The following KIAA1217 variants were observed in gnomAD, a reference collection of about 807,000 sequenced individuals.
KIAA1217 encodes the protein sickle tail protein homolog.
Under a neutral mutation model 163.9 loss-of-function variants are expected in KIAA1217, and 88 were observed. The observed-to-expected ratio is 0.54, with a 90% CI of 0.45 to 0.64. The LOEUF (loss-of-function observed/expected upper bound fraction) is 0.64, where lower values mean the gene tolerates loss of function less well. Ranked by LOEUF, KIAA1217 falls within the 30% of genes least tolerant of loss-of-function variation. The pLI is 0.00. For synonymous variants in KIAA1217, 903 were observed against 923.1 expected, an observed-to-expected ratio of 0.98 and a Z score of 0.39; for missense variants, 2,372 against 2,475.0, an observed-to-expected ratio of 0.96 and a Z score of 0.88.
At chr10:24,178,501 A>T (rs2066013800) in intron 2 of KIAA1217, among the ~76,000 whole-genome samples, 1 of 152,166 alleles carries the variant, frequency 6.6e-6, no homozygotes, top group Non-Finnish European at 1.5e-5. Context: ...TTCCTTTGTA[A>T]CTTCCTGCAT....
At chr10:24,013,028 G>C (rs766705780) in intron 2 of KIAA1217, among the ~76,000 whole-genome samples, 2 of 152,148 alleles carry the variant, frequency 1.3e-5, no homozygotes, top group Non-Finnish European at 2.9e-5. Context: ...TACTTTTGCA[G>C]ATAAGCACAG....
intron 1 of KIAA1217, among the ~76,000 whole-genome samples, chr10:23,882,955 A>G (rs1231169038): frequency 6.6e-6 from 1 of 151,944 alleles, no homozygotes; most frequent in African/African-American, 2.4e-5. Flanking sequence ...TTCTGGTGGG[A>G]GAGTTTACAT....
intron 3 of KIAA1217, among the ~76,000 whole-genome samples, chr10:24,417,362 A>G (rs1190525671): frequency 6.6e-6 from 1 of 152,128 alleles, no homozygotes; most frequent in Non-Finnish European, 1.5e-5. Context: ...AAGGCGTGAA[A>G]TTTGAGTGTT....
At position 24,088,107 on chromosome 10, in the gene KIAA1217, G is replaced by C. The variant is rs1212540662; in HGVS notation, c.-171+80733G>C. ...TATATTGCATACAGTAAACTCTAAG[G>C]GTTATGTAGATAATGAGTTCTTTTT... On this transcript the variant is annotated intron_variant, in intron 2 of 18. Transcript: ENST00000376462. Among the ~76,000 whole-genome samples the C allele has an allele frequency of 2.4e-5, 3 of 122,734 alleles. 1 individual carries two copies. In the East Asian group the frequency reaches 5.9e-4, roughly 24 times the overall value. 80.5% of individuals were successfully genotyped at this position (122,734 alleles called of 152,430 possible). A position where few individuals can be genotyped will look rare whatever the true frequency, so the allele number is the denominator to read the frequency against.
chr10:24,480,765 C>G (rs1331643626), intron 6 of KIAA1217, among the ~76,000 whole-genome samples: 1 of 152,150 alleles, frequency 6.6e-6, no homozygotes, highest in Non-Finnish European at 1.5e-5. Flanking sequence ...AATATAATAT[C>G]AGAAAACACG....
In KIAA1217 at chr10:24,359,738, G is replaced by A. The variant is rs183114256; in HGVS notation, c.355-21131G>A. Among the ~76,000 whole-genome samples, 3 of 152,170 alleles carry A rather than the reference G, an allele frequency of 2.0e-5. No homozygotes were observed. In the East Asian group the frequency reaches 5.8e-4, roughly 29 times the overall value. ...GAAATTCTTAGAATTAGAAGCTGTT[G>A]GGATATCACCCTGAACTCTTTTTTG... On this transcript the variant is annotated intron_variant, in intron 2 of 20. Transcript: ENST00000376454.
At chr10:23,790,543 G>GTA (rs1491339585) in intron 1 of KIAA1217, among the ~76,000 whole-genome samples, 1 of 99,608 alleles carries the variant, frequency 1.0e-5, no homozygotes, top group African/African-American at 6.4e-5. Flanking sequence ...ATATACATGT[G>GTA]CATATATACA....
At chr10:24,409,825 A>G (rs181145349) in intron 3 of KIAA1217, among the ~76,000 whole-genome samples, 6 of 152,014 alleles carry the variant, frequency 3.9e-5, no homozygotes, top group African/African-American at 9.6e-5. Context: ...GCTCCCATTT[A>G]TGAGTGAGAG....
intron 2 of KIAA1217, among the ~76,000 whole-genome samples, chr10:24,118,539 A>T (rs975306125): frequency 2.6e-5 from 4 of 152,182 alleles, no homozygotes; most frequent in African/African-American, 9.7e-5. Context: ...TTCTCTTCAG[A>T]CATCCTCACG....
chr10:23,778,892 A>C (rs1247380583), intron 1 of KIAA1217, among the ~76,000 whole-genome samples: 1 of 152,254 alleles, frequency 6.6e-6, no homozygotes, highest in East Asian at 1.9e-4. Context: ...AGTCTCCCCT[A>C]TATGTGAGGC....
chr10:24,115,750 A>T (rs7075306), intron 2 of KIAA1217, among the ~76,000 whole-genome samples: 10,963 of 152,230 alleles, frequency 0.072, 1,176 homozygotes, highest in African/African-American at 0.23. Flanking sequence ...GCATGGCGCC[A>T]CCAGGTAGGA....
intron 2 of KIAA1217, among the ~76,000 whole-genome samples, chr10:24,053,641 G>A (rs1161431411): frequency 1.3e-5 from 2 of 152,044 alleles, no homozygotes; most frequent in African/African-American, 2.4e-5. Flanking sequence ...AAGAAAGAAA[G>A]AAAGAAAGAA....
rs182781772 is a variant in KIAA1217 at position 24,414,835 on chromosome 10, C to T, written c.554-18160C>T. Among the ~76,000 whole-genome samples the T allele has an allele frequency of 1.4e-4, 21 of 152,238 alleles. 1 individual carries two copies. Among genetic ancestry groups the T allele is most frequent in the Admixed American group, 3.3e-4 (5 of 15,284 alleles). ...AACAGAAGTGACTCTTAAAAGGCAG[C>T]GCCAGAACTTCAAAAGGAAATGTCT... On this transcript the variant is annotated intron_variant, in intron 3 of 20. Transcript: ENST00000376454.
chr10:24,032,542 A>G (rs1214935973), intron 2 of KIAA1217, among the ~76,000 whole-genome samples: 1 of 152,062 alleles, frequency 6.6e-6, no homozygotes, highest in Non-Finnish European at 1.5e-5. Flanking sequence ...TGGCCTCTTC[A>G]TGAGTTTTGT....
chr10:23,759,043 C>T (rs1429867306), intron 1 of KIAA1217, among the ~76,000 whole-genome samples: 2 of 152,132 alleles, frequency 1.3e-5, no homozygotes, highest in Non-Finnish European at 2.9e-5. Context: ...GGTTTTTCAA[C>T]CCATGAACAT....
chr10:24,477,917 A>G (rs560583639), intron 6 of KIAA1217, among the ~76,000 whole-genome samples: 10 of 152,344 alleles, frequency 6.6e-5, no homozygotes, highest in Admixed American at 5.2e-4. Context: ...AGAATTTTCA[A>G]CCCCTTAAAG....
intron 9 of KIAA1217, among the ~76,000 whole-genome samples, chr10:24,507,689 A>G (rs2068551402): frequency 6.6e-6 from 1 of 152,214 alleles, no homozygotes; most frequent in Non-Finnish European, 1.5e-5. Flanking sequence ...AAAAATATTC[A>G]AAAAGGTAAT....
intron 2 of KIAA1217, among the ~76,000 whole-genome samples, chr10:24,308,271 A>G (rs1305201994): frequency 6.6e-6 from 1 of 152,172 alleles, no homozygotes; most frequent in Non-Finnish European, 1.5e-5. Context: ...TGGAAAAGGA[A>G]TGTGTGCAGC....
intron 14 of KIAA1217, among the ~76,000 whole-genome samples, chr10:24,529,579 C>A (rs150760938): frequency 7.4e-4 from 113 of 152,112 alleles, no homozygotes; most frequent in African/African-American, 2.4e-3. Flanking sequence ...GCACTTGTCT[C>A]CTCCCCAGTT....
Sources: allele counts gnomAD v4.1 joint callset (sites outside exome capture counted in the v4.1 genomes callset), GRCh38; gene constraint gnomAD v4.1.1; transcripts MANE v1.5; gene names NCBI Gene and HGNC (gene_info 2026-07-23, HGNC 2026-07-21).